Variants in WDR87 observed in about 807,000 individuals in gnomAD.
The protein encoded by WDR87 is WD repeat-containing protein 87.
WDR87 carries 56 observed loss-of-function variants against 83.3 expected under a neutral mutation model. The ratio of observed to expected loss-of-function variants is 0.67; its 90% CI spans 0.54 to 0.84. The LOEUF (loss-of-function observed/expected upper bound fraction) is 0.84. Among genes scored for constraint, WDR87 ranks in the 40% least tolerant of loss-of-function variants. The pLI, the probability that WDR87 is intolerant of heterozygous loss-of-function variation, is 0.00. For synonymous variants in WDR87, 1,173 were observed against 1,250.6 expected (o/e 0.94, Z 1.31); for missense variants, 2,939 against 3,431.9 (o/e 0.86, Z 3.59).
In WDR87 at chr19:37,888,801, C is replaced by T. The variant is rs1434760661; in HGVS notation, c.4870G>A (p.Glu1624Lys). The T allele has an allele frequency of 9.0e-6, 14 of 1,551,238 alleles. No homozygotes were observed. Among genetic ancestry groups the T allele is most frequent in the Non-Finnish European group, 1.0e-5 (12 of 1,146,938 alleles). The change falls in exon 6 of 6, where the codon GAA becomes AAA. Residue 1624 changes from glutamate to lysine, a missense_variant. Physicochemically the swap from Glu to Lys is moderately conservative, Grantham distance 56. Around this residue, in one of 3 missense-constraint regions of WDR87, gnomAD observed 2,160 missense variants for 2,533.1 expected, o/e 0.85. Coordinates refer to ENST00000447313, the MANE Select transcript of WDR87 (RefSeq NM_001291088.2). ...CTCTCTTCTTGGGCTCGTTTTTTTT[C>T]AGCTCGGGCTCGTTTCCTGTGTATT... The part of the protein sequence containing the change: ...ARIHRKRARA[E>K]KKRAQEERKL...
Position 37,886,754 on chromosome 19 carries a change from T to A in WDR87, c.6917A>T (p.Glu2306Val). The A allele has an allele frequency of 7.5e-7, 1 of 1,328,060 alleles. No homozygotes were observed. Among genetic ancestry groups the A allele is most frequent in the Non-Finnish European group, 1.0e-6 (1 of 974,346 alleles). 82.3% of individuals were successfully genotyped at this position (1,328,060 alleles called of 1,614,324 possible). ...CCCTTCCTCCTCCTCCTTCCTTTCCTCCTCCTCCTCCCTTTCCTCCTCCTC... is the reference window on the plus strand; with the variant it reads ...CCCTTCCTCCTCCTCCTTCCTTTCCACCTCCTCCTCCCTTTCCTCCTCCTC... ...REEEEEREEE[E>V]ERKEEEEGEE... The change falls in exon 6 of 6, where the codon GAG (glutamate) becomes GTG (valine). Residue 2306 changes from glutamate (E) to valine (V), a missense_variant. By Grantham distance (121) the Glu-to-Val change is moderately radical. Transcript: ENST00000447313.
chr19:37,894,289 C>T lies in WDR87; in HGVS notation c.1414G>A (p.Gly472Ser). The change falls in exon 4 of 6, where the codon GGT (glycine) becomes AGT (serine). Residue 472 changes from glycine to serine, a missense_variant. By Grantham distance (56) the Gly-to-Ser change is moderately conservative. Transcript: ENST00000447313. ...CCAGAGAATATCAGTCCCTCTAGAC[C>T]CCGCCCCAAGTTGAAATGCCCATAA... The part of the protein sequence containing the change: ...LAYGHFNLGR[G>S]LEGLIFSGHQ... 2 of 1,551,682 alleles carry T rather than the reference C, an allele frequency of 1.3e-6. No individual in the cohort carries two copies. Among genetic ancestry groups the T allele is most frequent in the Non-Finnish European group, 1.7e-6 (2 of 1,146,998 alleles).
Position 37,887,544 on chromosome 19 carries a change from C to T in WDR87, c.6127G>A (p.Glu2043Lys). 1 of 1,551,814 alleles carries T rather than the reference C, an allele frequency of 6.4e-7. No homozygotes were observed. Among genetic ancestry groups the T allele is most frequent in the Non-Finnish European group, 8.7e-7 (1 of 1,147,018 alleles). Reference sequence around the variant, plus strand: ...AGTGACAATTTTCTCTCAAATAGTTCTTGTTCAACTTGAGTCATTTTCCTT... The same window carrying T: ...AGTGACAATTTTCTCTCAAATAGTTTTTGTTCAACTTGAGTCATTTTCCTT... Reference protein sequence around the residue: ...RQRKMTQVEQELFERKLSLEE... With the variant: ...RQRKMTQVEQKLFERKLSLEE... Residue 2043 changes from glutamate (E) to lysine (K), a missense_variant, in exon 6 of 6, where the codon GAA becomes AAA. Glu to Lys is a moderately conservative substitution (Grantham distance 56). Around this residue, in one of 3 missense-constraint regions of WDR87, gnomAD observed 2,160 missense variants for 2,533.1 expected, o/e 0.85. Coordinates refer to ENST00000447313, the MANE Select transcript of WDR87 (RefSeq NM_001291088.2).
At chr19:37,900,829 G>C (rs957209943) in intron 1 of WDR87, among the ~76,000 whole-genome samples, 1 of 151,914 alleles carries the variant, frequency 6.6e-6, no homozygotes, top group Non-Finnish European at 1.5e-5. Flanking sequence ...TCAGGCTCTA[G>C]TTGATCTGCT....
intron 2 of WDR87, among the ~76,000 whole-genome samples, chr19:37,897,710 C>T (rs1285449977): frequency 2.0e-5 from 3 of 151,828 alleles, no homozygotes; most frequent in Non-Finnish European, 4.4e-5. Flanking sequence ...ATGGTGAAAC[C>T]CCATCTCTAC....
At position 37,891,540 on chromosome 19, in the gene WDR87, C is replaced by T. The variant is rs747633615; in HGVS notation, c.3394+12G>A. The T allele has an allele frequency of 2.9e-5, 45 of 1,551,710 alleles. No individual in the cohort carries two copies. The highest frequency in any genetic ancestry group is 2.4e-5 in the East Asian group (1 of 40,932). On this transcript the variant is annotated intron_variant, in intron 5 of 5. Transcript: ENST00000447313. Reference sequence around the variant, plus strand: ...GGACCCTGAGGCACAGACCAGATTACCCCTTACATACTATGCTTTTTGACC... The same window carrying T: ...GGACCCTGAGGCACAGACCAGATTATCCCTTACATACTATGCTTTTTGACC...
rs756323997 is a variant in WDR87 at position 37,893,747 on chromosome 19, G to C, written c.1956C>G (p.Val652=). Residue 652 remains valine, a synonymous_variant, in exon 4 of 6, where the codon GTC becomes GTG. Transcript: ENST00000447313. ...GGTCACCCCGGTCATTTGCAAAACA[G>C]ACTGGGCCAAAGTGCAGTGATGAGT... The part of the protein sequence containing the change: ...ILDSSLHFGP[V]CFANDRGDLL... 132 of 1,551,430 alleles carry C rather than the reference G, an allele frequency of 8.5e-5. No homozygotes were observed. Among genetic ancestry groups the C allele is most frequent in the Non-Finnish European group, 1.7e-6 (2 of 1,147,020 alleles).
intron 1 of WDR87, among the ~76,000 whole-genome samples, chr19:37,905,560 A>G (rs978552465): frequency 2.2e-4 from 30 of 138,138 alleles, no homozygotes; most frequent in African/African-American, 3.1e-4. Flanking sequence ...ACACACATAT[A>G]TAATTTTTTT....
chr19:37,894,018 T>C lies in WDR87; in HGVS notation c.1685A>G (p.His562Arg). The C allele has an allele frequency of 2.6e-6, 4 of 1,551,842 alleles. No individual in the cohort carries two copies. Among genetic ancestry groups the C allele is most frequent in the Non-Finnish European group, 3.5e-6 (4 of 1,147,030 alleles). The change falls in exon 4 of 6, where the codon CAT (histidine) becomes CGT (arginine). Residue 562 changes from histidine (H) to arginine (R), a missense_variant. Physicochemically the swap from His to Arg is conservative, Grantham distance 29. Around this residue, in one of 3 missense-constraint regions of WDR87, gnomAD observed 553 missense variants for 577.9 expected, o/e 0.96. Transcript: ENST00000447313. ...CACAGACTTGGGCAAGAGTATCAGA[T>C]GTGTTAGGTGACAGCTGCTGAGAAT... Reference protein sequence around the residue: ...ASILSSCHLTHLILLPKSVGA... With the variant: ...ASILSSCHLTRLILLPKSVGA...
rs925307837 is a variant in WDR87, at chr19:37,894,073, C to T, written c.1630G>A (p.Val544Ile). ...GCGAGAGGCCGCAGTTGTACTTTGA[C>T]CCCATCAAGCACAGCTTCTGACAGG... Reference protein sequence around the residue: ...VHLSEAVLDGVKVQLRPLASI... With the variant: ...VHLSEAVLDGIKVQLRPLASI... The change falls in exon 4 of 6, where the codon GTC becomes ATC. Residue 544 changes from valine to isoleucine, a missense_variant. By Grantham distance (29) the Val-to-Ile change is conservative (BLOSUM62 3). Around this residue, in one of 3 missense-constraint regions of WDR87, gnomAD observed 553 missense variants for 577.9 expected, o/e 0.96. Coordinates refer to ENST00000447313, the MANE Select transcript of WDR87 (RefSeq NM_001291088.2). The T allele has an allele frequency of 6.4e-7, 1 of 1,552,178 alleles. No homozygotes were observed. Among genetic ancestry groups the T allele is most frequent in the African/African-American group, 1.4e-5 (1 of 73,148 alleles).
At chr19:37,905,402 G>C (rs1211386193) in intron 1 of WDR87, among the ~76,000 whole-genome samples, 4 of 151,892 alleles carry the variant, frequency 2.6e-5, no homozygotes, top group African/African-American at 9.7e-5. Context: ...GGCTGAGGTA[G>C]GAACATGTCT....
rs1448760361 is a variant in WDR87, at chr19:37,889,665, C to T, written c.4006G>A (p.Glu1336Lys). 1.3e-6 allele frequency: 2 copies of T among 1,551,664 alleles called. No individual in the cohort carries two copies. The highest frequency in any genetic ancestry group is 1.2e-5 in the South Asian group (1 of 84,066). Residue 1336 changes from glutamate (E) to lysine (K), a missense_variant, in exon 6 of 6, where the codon GAA becomes AAA. By Grantham distance (56) the Glu-to-Lys change is moderately conservative (BLOSUM62 1). Around this residue, in one of 3 missense-constraint regions of WDR87, gnomAD observed 2,160 missense variants for 2,533.1 expected, o/e 0.85. Coordinates refer to ENST00000447313, the MANE Select transcript of WDR87 (RefSeq NM_001291088.2). ...AGGTCCTCAAGCAGAACCTTACTTTCTTTCTTCAATAGGGGGCAGATCTCC... is the reference window on the plus strand; with the variant it reads ...AGGTCCTCAAGCAGAACCTTACTTTTTTTCTTCAATAGGGGGCAGATCTCC... ...FQEICPLLKK[E>K]SKVLLEDLDW...
rs750217009 is a variant in WDR87, at chr19:37,892,636, G to A, written c.3067C>T (p.His1023Tyr). Residue 1023 changes from histidine to tyrosine, a missense_variant, in exon 4 of 6, where the codon CAC (histidine) becomes TAC (tyrosine). This residue lies in a region of WDR87 where 2,160 missense variants were observed against 2,533.1 expected (regional missense o/e 0.85). Transcript: ENST00000447313. ...TLSLMAEIGI[H>Y]SRTSLLQLTQ... ...AGCTGTAAGAGTGAGGTCCTAGAGT[G>A]GATTCCAATCTCAGCCATGAGGCTT... 10 of 1,546,258 alleles carry A rather than the reference G, an allele frequency of 6.5e-6. No individual in the cohort carries two copies. In the Admixed American group the frequency reaches 1.6e-4, roughly 24 times the overall value.
intron 1 of WDR87, among the ~76,000 whole-genome samples, chr19:37,905,709 C>T (rs1050450945): frequency 6.6e-6 from 1 of 152,074 alleles, no homozygotes; most frequent in Admixed American, 6.6e-5. Flanking sequence ...CCACATGCCA[C>T]CACGCCTAGC....
In WDR87 at chr19:37,893,226, T is replaced by C. The variant is rs1351257330; in HGVS notation, c.2477A>G (p.Asn826Ser). Residue 826 changes from asparagine (N) to serine (S), a missense_variant, in exon 4 of 6, where the codon AAT becomes AGT. By Grantham distance (46) the Asn-to-Ser change is conservative. This residue lies in a region of WDR87 where 2,160 missense variants were observed against 2,533.1 expected (regional missense o/e 0.85). Transcript: ENST00000447313. ...CCAAAGACGGGCACGAATCACTGAATTGGGGATATAGCAGTCAGGGGCAAA... is the reference window on the plus strand; with the variant it reads ...CCAAAGACGGGCACGAATCACTGAACTGGGGATATAGCAGTCAGGGGCAAA... ...WLFAPDCYIP[N>S]SVIRARLWPE... 1.1e-5 allele frequency: 17 copies of C among 1,551,894 alleles called. No homozygotes were observed. Among genetic ancestry groups the C allele is most frequent in the Non-Finnish European group, 1.5e-5 (17 of 1,147,054 alleles).
At position 37,894,773 on chromosome 19, in the gene WDR87, C is replaced by T. The variant is rs2046239547; in HGVS notation, c.930G>A (p.Trp310Ter). ...TAGSDSLIKE[W>*]NLTSGSLLRR... ...GAAGCAGGCTCCCTGAAGTCAGGTTCCACTCCTTGATTAGGCTGTCACTAC... is the reference window on the plus strand; with the variant it reads ...GAAGCAGGCTCCCTGAAGTCAGGTTTCACTCCTTGATTAGGCTGTCACTAC... The change falls in exon 4 of 6, where the codon TGG (tryptophan) becomes TGA (stop). Residue 310 changes from tryptophan to a stop codon, truncating the protein, a stop_gained. Coordinates refer to ENST00000447313, the MANE Select transcript of WDR87 (RefSeq NM_001291088.2). LOFTEE classifies it high-confidence loss of function. The T allele has an allele frequency of 6.4e-7, 1 of 1,551,738 alleles. No individual in the cohort carries two copies. The highest frequency in any genetic ancestry group is 1.2e-5 in the South Asian group (1 of 84,068).
Position 37,892,626 on chromosome 19 carries a change from G to A in WDR87, c.3077C>T (p.Thr1026Ile), listed in dbSNP as rs761577350. 4.5e-5 allele frequency: 69 copies of A among 1,543,744 alleles called. No individual in the cohort carries two copies. The highest frequency in any genetic ancestry group is 1.7e-4 in the Middle Eastern group (1 of 5,982). The stretch of plus-strand genomic sequence containing the variant: ...TTTTTGGGTCAGCTGTAAGAGTGAG[G>A]TCCTAGAGTGGATTCCAATCTCAGC... ...LMAEIGIHSRTSLLQLTQKQE... is the reference protein window; with the variant it reads ...LMAEIGIHSRISLLQLTQKQE... The change falls in exon 4 of 6, where the codon ACC becomes ATC. Residue 1026 changes from threonine to isoleucine, a missense_variant. Thr to Ile is a moderately conservative substitution (Grantham distance 89, BLOSUM62 -1). This residue lies in a region of WDR87 where 2,160 missense variants were observed against 2,533.1 expected (regional missense o/e 0.85). Transcript: ENST00000447313.
In WDR87 at chr19:37,888,523, CTCT is replaced by C. The variant is rs1228380331; in HGVS notation, c.5145_5147del (p.Glu1716del). 11 of 1,551,484 alleles carry C rather than the reference CTCT, an allele frequency of 7.1e-6. No individual in the cohort carries two copies. The highest frequency in any genetic ancestry group is 2.4e-5 in the East Asian group (1 of 40,924). ...GTTTCCCTCCTTTCTTTGCTAGTTT[CTCT>C]TCTTCTCTAGCCACTTTCTCCCATT... On this transcript the variant is annotated inframe_deletion, in exon 6 of 6. Transcript: ENST00000447313.
chr19:37,889,434 T>C lies in WDR87; in HGVS notation c.4237A>G (p.Ile1413Val). The part of the protein sequence containing the change: ...QVILKKGKKV[I>V]FLEPGNVTMG... ...GTTACATTACCTGGTTCTAAAAAAA[T>C]AACTTTCTTGCCCTTTTTCAAAATC... The change falls in exon 6 of 6, where the codon ATT (isoleucine) becomes GTT (valine). Residue 1413 changes from isoleucine to valine, a missense_variant. Ile to Val is a conservative substitution (Grantham distance 29). This residue lies in a region of WDR87 where 2,160 missense variants were observed against 2,533.1 expected (regional missense o/e 0.85). Transcript: ENST00000447313. 1 of 1,551,910 alleles carries C rather than the reference T, an allele frequency of 6.4e-7. No homozygotes were observed. The highest frequency in any genetic ancestry group is 8.7e-7 in the Non-Finnish European group (1 of 1,147,034).
Sources: gnomAD v4.1 joint callset for allele counts (sites outside exome capture counted in the v4.1 genomes callset) on GRCh38, gnomAD v4.1.1 for gene constraint, gnomAD v4.1.1 regional missense constraint, MANE v1.5 for transcripts, NCBI Gene and HGNC (gene_info 2026-07-23, HGNC 2026-07-21) for gene names.